DACH1: variants seen among roughly 807,000 people sequenced by gnomAD.
The protein encoded by DACH1 is dachshund homolog 1.
In DACH1, 12 loss-of-function variants were observed where a neutral mutation model predicts 54.2. That is an observed-to-expected ratio of 0.22 (90% CI 0.14 to 0.36). DACH1 has a LOEUF of 0.36. DACH1 is among the 10% of genes least tolerant of loss of function. The pLI is 1.00. For synonymous variants in DACH1, 386 were observed against 366.2 expected (o/e 1.05, Z -0.62); for missense variants, 805 against 929.8 (o/e 0.87, Z 1.75).
In DACH1 at chr13:71,557,120, T is replaced by C; in HGVS notation, c.1474A>G (p.Met492Val). 6.2e-7 allele frequency: 1 copy of C among 1,612,514 alleles called. No individual in the cohort carries two copies. Among genetic ancestry groups the C allele is most frequent in the East Asian group, 2.2e-5 (1 of 44,670 alleles). The change falls in exon 6 of 11, where the codon ATG becomes GTG. Residue 492 changes from methionine to valine, a missense_variant. This residue lies in a region of DACH1 where 472 missense variants were observed against 545.3 expected (regional missense o/e 0.87). Transcript: ENST00000613252. ...GGAAGTACATTTGGTGATAAGCCCA[T>C]CAGCATCTGGTTCATGGACAACCCA... is the stretch of plus-strand genomic sequence containing the variant. ...QNGLSMNQML[M>V]GLSPNVLPGP...
At chr13:71,778,260 T>G (rs548236753) in intron 1 of DACH1, among the ~76,000 whole-genome samples, 1 of 152,238 alleles carries the variant, frequency 6.6e-6, no homozygotes, top group South Asian at 2.1e-4. Flanking sequence ...ATATTCAGAA[T>G]CAGTAGTAGA....
chr13:71,797,811 C>T (rs1245829981), intron 1 of DACH1, among the ~76,000 whole-genome samples: 2 of 152,116 alleles, frequency 1.3e-5, no homozygotes, highest in Non-Finnish European at 2.9e-5. Context: ...GAAATTTTCT[C>T]AACTGCAATT....
chr13:71,553,671 C>CAT (rs143187470), intron 6 of DACH1, among the ~76,000 whole-genome samples: 1,916 of 135,544 alleles, frequency 0.014, 39 homozygotes, highest in African/African-American at 0.052. Flanking sequence ...TATATATATG[C>CAT]ATATATATAT....
At chr13:71,681,664 A>C in intron 2 of DACH1, 131 bp downstream of exon 2, 1 of 510,960 alleles carries the variant, frequency 2.0e-6, no homozygotes, top group Admixed American at 3.7e-5. Context: ...AAATTATCTC[A>C]GTAACATTAT....
intron 1 of DACH1, among the ~76,000 whole-genome samples, chr13:71,733,010 T>C (rs998787224): frequency 6.6e-6 from 1 of 152,148 alleles, no homozygotes; most frequent in African/African-American, 2.4e-5. Context: ...CTGTCTGGAA[T>C]GCCTTTCCCC....
chr13:71,657,576 TA>T (rs34939790), intron 2 of DACH1, among the ~76,000 whole-genome samples: 63 of 142,256 alleles, frequency 4.4e-4, no homozygotes, highest in East Asian at 1.3e-3. Context: ...CTGTCTCAAA[TA>T]AAAAAAAAAA....
intron 6 of DACH1, among the ~76,000 whole-genome samples, chr13:71,516,970 A>G (rs1881208508): frequency 6.6e-6 from 1 of 151,652 alleles, no homozygotes; most frequent in Non-Finnish European, 1.5e-5. Context: ...GAGCCATTAT[A>G]AATACATGAG....
chr13:71,718,298 C>T (rs1883074880), intron 1 of DACH1, among the ~76,000 whole-genome samples: 1 of 151,992 alleles, frequency 6.6e-6, no homozygotes, highest in Non-Finnish European at 1.5e-5. Flanking sequence ...AAAAAGCTCT[C>T]TTCCGGCTGG....
At chr13:71,658,691 A>G (rs1040148675) in intron 2 of DACH1, among the ~76,000 whole-genome samples, 9 of 152,198 alleles carry the variant, frequency 5.9e-5, no homozygotes, top group African/African-American at 2.2e-4. Flanking sequence ...TGATTATTTA[A>G]AAGTCTAAAA....
chr13:71,638,959 A>G (rs944605598), intron 2 of DACH1, among the ~76,000 whole-genome samples: 21 of 152,148 alleles, frequency 1.4e-4, no homozygotes, highest in African/African-American at 5.1e-4. Flanking sequence ...ATTACTGTGA[A>G]GTAATCTTTC....
chr13:71,793,180 G>A (rs1230266662), intron 1 of DACH1, among the ~76,000 whole-genome samples: 2 of 152,128 alleles, frequency 1.3e-5, no homozygotes, highest in Admixed American at 1.3e-4. Flanking sequence ...GTGAAAAAGA[G>A]TAAAACTAGT....
chr13:71,511,852 C>T (rs897531312), intron 6 of DACH1, among the ~76,000 whole-genome samples: 1 of 151,840 alleles, frequency 6.6e-6, no homozygotes, highest in African/African-American at 2.4e-5. Context: ...AGGAGTAATA[C>T]AAGGCATATT....
intron 1 of DACH1, among the ~76,000 whole-genome samples, chr13:71,828,978 A>T (rs1888484843): frequency 6.6e-6 from 1 of 151,998 alleles, no homozygotes; most frequent in Admixed American, 6.6e-5. Context: ...TTATCTGAAG[A>T]CCAGTAGTTT....
chr13:71,789,448 TA>T (rs1403274379), intron 1 of DACH1, among the ~76,000 whole-genome samples: 2 of 152,106 alleles, frequency 1.3e-5, no homozygotes, highest in Non-Finnish European at 2.9e-5. Flanking sequence ...ATTTATCCCA[TA>T]AAAAGTATTA....
chr13:71,798,116 G>C lies in DACH1; in HGVS notation c.848+67806C>G, dbSNP rs554163559. On this transcript the variant is annotated intron_variant, in intron 1 of 10. Coordinates refer to ENST00000613252, the MANE Select transcript of DACH1 (RefSeq NM_080759.6). The stretch of plus-strand genomic sequence containing the variant: ...CAAAATTAAAATAAAAATAGGTATA[G>C]AAAAGTAAATTAAGAAAGAAAGCAG... Among the ~76,000 whole-genome samples the C allele has an allele frequency of 6.6e-5, 10 of 151,874 alleles. No homozygotes were observed. In the South Asian group the frequency reaches 2.1e-3, roughly 32 times the overall value.
chr13:71,483,477 T>TA (rs2138190927), intron 7 of DACH1, among the ~76,000 whole-genome samples: 1 of 146,848 alleles, frequency 6.8e-6, no homozygotes, highest in African/African-American at 2.5e-5. Flanking sequence ...TACCTTATAA[T>TA]AAATAATATA....
At chr13:71,685,311 C>T (rs780295058) in intron 1 of DACH1, among the ~76,000 whole-genome samples, 1 of 152,158 alleles carries the variant, frequency 6.6e-6, no homozygotes, top group Non-Finnish European at 1.5e-5. Context: ...TCTTTTAAAA[C>T]CTTTCATTAA....
At chr13:71,797,339 T>A (rs303939) in intron 1 of DACH1, among the ~76,000 whole-genome samples, 76,309 of 151,808 alleles carry the variant, frequency 0.5, 20,269 homozygotes, top group East Asian at 0.86. Context: ...ATCAAAAAAA[T>A]TAAGCTGAAA....
intron 1 of DACH1, among the ~76,000 whole-genome samples, chr13:71,797,840 G>A (rs1887119933): frequency 6.6e-6 from 1 of 152,064 alleles, no homozygotes; most frequent in Admixed American, 6.6e-5. Flanking sequence ...CAAAATTGCT[G>A]TAACAGAACA....
Sources: allele counts gnomAD v4.1 joint callset (sites outside exome capture counted in the v4.1 genomes callset), GRCh38; gene constraint gnomAD v4.1.1; regional missense constraint gnomAD v4.1.1; transcripts MANE v1.5; gene names NCBI Gene and HGNC (gene_info 2026-07-23, HGNC 2026-07-21).